CAST: variants seen among roughly 807,000 people sequenced by gnomAD.
CAST encodes the protein calpastatin, also known as MIR583 host.
CAST carries 76 observed loss-of-function variants against 119.6 expected under a neutral mutation model. The observed-to-expected ratio is 0.64, with a 90% CI of 0.53 to 0.77. The LOEUF (loss-of-function observed/expected upper bound fraction) is 0.77. Among genes scored for constraint, CAST ranks in the 30% least tolerant of loss-of-function variants. The pLI is 0.00. For synonymous variants in CAST, 319 were observed against 331.6 expected (o/e 0.96, Z 0.41); for missense variants, 953 against 946.5 (o/e 1.01, Z -0.09).
At chr5:96,497,927 G>A in the CAST span, among the ~76,000 whole-genome samples, 2 of 152,178 alleles carry the variant, frequency 1.3e-5, no homozygotes, top group African/African-American at 2.4e-5. Flanking sequence ...TAGACATGAA[G>A]TCCTTGCCCA....
chr5:96,688,686 T>C (rs1752359358), intron 2 of CAST, among the ~76,000 whole-genome samples: 1 of 152,188 alleles, frequency 6.6e-6, no homozygotes, highest in African/African-American at 2.4e-5. Flanking sequence ...TGTATAAAAA[T>C]AGGAAAAAAC....
the CAST span, among the ~76,000 whole-genome samples, chr5:96,280,285 C>G: frequency 6.6e-6 from 1 of 152,064 alleles, no homozygotes; most frequent in Non-Finnish European, 1.5e-5. Flanking sequence ...CTCCCCCAGT[C>G]CCCACACACA....
the CAST span, among the ~76,000 whole-genome samples, chr5:96,311,815 A>G: frequency 6.6e-6 from 1 of 151,942 alleles, no homozygotes; most frequent in African/African-American, 2.4e-5. Context: ...AGTGAAGTGA[A>G]TTTCTTATAG....
chr5:96,538,984 A>G (rs1246448861), intron 1 of CAST, among the ~76,000 whole-genome samples: 1 of 152,252 alleles, frequency 6.6e-6, no homozygotes, highest in African/African-American at 2.4e-5. Flanking sequence ...TCTGAATTGT[A>G]TAGGAAATAG....
At chr5:96,351,162 A>G in the CAST span, among the ~76,000 whole-genome samples, 6 of 152,276 alleles carry the variant, frequency 3.9e-5, no homozygotes, top group Admixed American at 3.3e-4. Context: ...TTCTATTACT[A>G]GGGATTTTGA....
the CAST span, among the ~76,000 whole-genome samples, chr5:96,145,295 G>C: frequency 6.6e-6 from 1 of 152,118 alleles, no homozygotes; most frequent in African/African-American, 2.4e-5. Context: ...ACTACATTTA[G>C]GGATAAATGT....
chr5:96,172,536 G>A, the CAST span, among the ~76,000 whole-genome samples: 7 of 152,206 alleles, frequency 4.6e-5, no homozygotes, highest in African/African-American at 7.2e-5. Flanking sequence ...TCTAAAGTGT[G>A]AATAACTTTC....
chr5:96,626,428 C>G (rs1404807855), intron 1 of CAST, among the ~76,000 whole-genome samples: 1 of 152,198 alleles, frequency 6.6e-6, no homozygotes, highest in Non-Finnish European at 1.5e-5. Flanking sequence ...GCCTCTTGGT[C>G]TGGATGCTGC....
At chr5:96,408,449 T>A in the CAST span, 1 of 714,986 alleles carries the variant, frequency 1.4e-6, no homozygotes, top group South Asian at 1.5e-5. Context: ...TTCGATTGCC[T>A]ACTTTCTCCT....
the CAST span, chr5:96,395,081 TC>T: frequency 7.8e-7 from 1 of 1,286,150 alleles, no homozygotes; most frequent in African/African-American, 1.5e-5. Flanking sequence ...TAAAACAAAC[TC>T]ATTCAAAATA....
intron 1 of CAST, among the ~76,000 whole-genome samples, chr5:96,542,501 G>A (rs1745932727): frequency 6.6e-6 from 1 of 151,922 alleles, no homozygotes; most frequent in Admixed American, 6.6e-5. Context: ...GGTATCTAAT[G>A]GCTGTTTTAA....
At chr5:96,471,035 T>C in the CAST span, among the ~76,000 whole-genome samples, 1 of 152,066 alleles carries the variant, frequency 6.6e-6, no homozygotes, top group Non-Finnish European at 1.5e-5. Flanking sequence ...TTCCTTACAA[T>C]AGTCCTGCAG....
chr5:96,763,203 T>G, intron 25 of CAST: 1 of 780,784 alleles, frequency 1.3e-6, no homozygotes, highest in Non-Finnish European at 2.4e-6. Context: ...TGGATTTTCA[T>G]CCTGTTGCGT....
In CAST at chr5:96,654,521, T is replaced by C. The variant is rs1328284151; in HGVS notation, c.61-21018T>C. On this transcript the variant is annotated intron_variant, in intron 1 of 11. Coordinates refer to the CAST transcript ENST00000505143. ...AAAGCACTCTCTTTTTCTCCGATGTTATATTTTAATCTGAGAAGTAATATT... is the reference window on the plus strand; with the variant it reads ...AAAGCACTCTCTTTTTCTCCGATGTCATATTTTAATCTGAGAAGTAATATT... Among the ~76,000 whole-genome samples, 5 of 152,206 alleles carry C rather than the reference T, an allele frequency of 3.3e-5. No individual in the cohort carries two copies. In the East Asian group the frequency reaches 7.7e-4, roughly 23 times the overall value.
chr5:96,423,600 G>A, the CAST span: 1 of 776,396 alleles, frequency 1.3e-6, no homozygotes, highest in Non-Finnish European at 2.2e-6. Flanking sequence ...TCAGTGAAAT[G>A]AGAAAACAAA....
chr5:96,656,279 G>A (rs1303530346), intron 1 of CAST, among the ~76,000 whole-genome samples: 4 of 152,236 alleles, frequency 2.6e-5, no homozygotes, highest in Non-Finnish European at 5.9e-5. Context: ...TGAATTGGTT[G>A]AGACTCTTGG....
intron 1 of CAST, among the ~76,000 whole-genome samples, chr5:96,609,411 G>A (rs261204): frequency 0.35 from 52,594 of 152,000 alleles, 10,395 homozygotes; most frequent in Admixed American, 0.44. Flanking sequence ...CATTTAAAGC[G>A]GTGCTTTCCA....
chr5:96,237,172 G>A, the CAST span, among the ~76,000 whole-genome samples: 1 of 152,182 alleles, frequency 6.6e-6, no homozygotes, highest in Non-Finnish European at 1.5e-5. Flanking sequence ...TCTGTCCACA[G>A]TGGGGTTTCA....
the CAST span, among the ~76,000 whole-genome samples, chr5:96,441,817 G>T: frequency 6.6e-6 from 1 of 152,050 alleles, no homozygotes. Flanking sequence ...CCACCTCCTG[G>T]TATTAGAAAC....
Sources: gnomAD v4.1 joint callset for allele counts (sites outside exome capture counted in the v4.1 genomes callset) on GRCh38, gnomAD v4.1.1 for gene constraint, MANE v1.5 for transcripts, NCBI Gene and HGNC (gene_info 2026-07-23, HGNC 2026-07-21) for gene names.